The following EIF4G1 variants were observed in gnomAD, a reference collection of about 807,000 sequenced individuals.
EIF4G1 encodes EIF4-gamma.
Under a neutral mutation model 187.8 loss-of-function variants are expected in EIF4G1, and 4 were observed. The ratio of observed to expected loss-of-function variants is 0.02; its 90% CI spans 0.01 to 0.05. The LOEUF (loss-of-function observed/expected upper bound fraction) is 0.05, where lower values mean the gene tolerates loss of function less well. EIF4G1 is among the 10% of genes least tolerant of loss of function. The pLI is 1.00. For synonymous variants in EIF4G1, 844 were observed against 781.4 expected (o/e 1.08, Z -1.34); for missense variants, 1,647 against 2,081.1 (o/e 0.79, Z 4.06).
At chr3:184,332,300 T>G (rs1041876244) in intron 32 of EIF4G1, among the ~76,000 whole-genome samples, 1 of 152,188 alleles carries the variant, frequency 6.6e-6, no homozygotes, top group African/African-American at 2.4e-5. Flanking sequence ...AATTGCCTGT[T>G]TTGTGCCTAG....
At chr3:184,319,504 A>G (rs1462785709) in intron 6 of EIF4G1, 185 bp from the exon 7 acceptor site, 55 of 598,048 alleles carry the variant, frequency 9.2e-5, no homozygotes, top group South Asian at 9.1e-4. Flanking sequence ...TTGTAAACGC[A>G]GTTCAGACTG....
intron 6 of EIF4G1, among the ~76,000 whole-genome samples, chr3:184,318,980 A>G (rs985815774): frequency 1.3e-5 from 2 of 151,714 alleles, no homozygotes; most frequent in Non-Finnish European, 2.9e-5. Flanking sequence ...AGGCTGAGGC[A>G]GGAGGATCGC....
At chr3:184,331,837 C>T (rs1168501700) in intron 31 of EIF4G1, 28 bp downstream of exon 31, 1 of 1,614,082 alleles carries the variant, frequency 6.2e-7, no homozygotes, top group Admixed American at 1.7e-5. Flanking sequence ...GATGGAGGGG[C>T]AAGGGTGGGC....
In EIF4G1 at chr3:184,322,901, A is replaced by G; in HGVS notation, c.1876A>G (p.Ser626Gly). Residue 626 changes from serine to glycine, a missense_variant, in exon 13 of 33, where the codon AGT becomes GGT. Ser to Gly is a moderately conservative substitution (Grantham distance 56, BLOSUM62 0). Transcript: ENST00000346169. ...FLLGFQFIFA[S>G]MQKPEGLPHI... ...GCTTGGTTTTCAGTTCATCTTTGCC[A>G]GTATGCAGAAGCCAGAGGGATTGCC... is the stretch of plus-strand genomic sequence containing the variant. 1 of 1,614,184 alleles carries G rather than the reference A, an allele frequency of 6.2e-7. No individual in the cohort carries two copies. Among genetic ancestry groups the G allele is most frequent in the Non-Finnish European group, 8.5e-7 (1 of 1,180,034 alleles).
chr3:184,320,782 A>T, intron 8 of EIF4G1, 60 bp downstream of exon 8: 1 of 1,611,042 alleles, frequency 6.2e-7, no homozygotes, highest in Non-Finnish European at 8.5e-7. Flanking sequence ...CTGGACTCCC[A>T]AGTCCCTGGA....
chr3:184,330,696 C>G (rs1725887793), intron 28 of EIF4G1, among the ~76,000 whole-genome samples: 1 of 152,004 alleles, frequency 6.6e-6, no homozygotes, highest in African/African-American at 2.4e-5. Flanking sequence ...TTTTCCTACC[C>G]TAGTGTCATA....
At chr3:184,316,293 A>G in intron 4 of EIF4G1, 75 bp downstream of exon 4, 2 of 1,570,690 alleles carry the variant, frequency 1.3e-6, no homozygotes, top group Non-Finnish European at 8.7e-7. Flanking sequence ...TAGGTCTAGG[A>G]TGGAAACTGG....
chr3:184,323,780 G>T lies in EIF4G1; in HGVS notation c.2275G>T (p.Asp759Tyr). Reference sequence around the variant, plus strand: ...GAACTCTTGTCTCTTCTCCCTCCAGGACCTATTCCGCAGGGTGCGCTCCAT... The same window carrying T: ...GAACTCTTGTCTCTTCTCCCTCCAGTACCTATTCCGCAGGGTGCGCTCCAT... Reference protein sequence around the residue: ...EEDADGSKTQDLFRRVRSILN... With the variant: ...EEDADGSKTQYLFRRVRSILN... The change falls in exon 16 of 33, where the codon GAC becomes TAC. Residue 759 changes from aspartate to tyrosine, a missense_variant and splice_region_variant. Coordinates refer to ENST00000346169, the MANE Select transcript of EIF4G1 (RefSeq NM_198241.3). The surrounding 1 kb of genome is among the most constrained non-coding windows in gnomAD (Gnocchi z 6.9). 6.2e-7 allele frequency: 1 copy of T among 1,613,616 alleles called. No individual in the cohort carries two copies. Among genetic ancestry groups the T allele is most frequent in the South Asian group, 1.1e-5 (1 of 91,052 alleles).
At chr3:184,322,518 C>T in intron 11 of EIF4G1, 26 bp from the exon 12 acceptor site, 1 of 1,614,000 alleles carries the variant, frequency 6.2e-7, no homozygotes, top group East Asian at 2.2e-5. Context: ...ATTCTGCAAC[C>T]AAAACTGGAT....
chr3:184,320,736 T>C lies in EIF4G1; in HGVS notation c.630+14T>C, dbSNP rs1350376942. ...ACCCCTCCCCAGGTACTGTCTGCTT[T>C]TCGAGTGATACCCTGGCTGGGATGT... On this transcript the variant is annotated intron_variant, in intron 8 of 32. Transcript: ENST00000346169. 6.2e-7 allele frequency: 1 copy of C among 1,614,148 alleles called. No homozygotes were observed. Among genetic ancestry groups the C allele is most frequent in the Non-Finnish European group, 8.5e-7 (1 of 1,180,010 alleles).
In EIF4G1 at chr3:184,322,881, G is replaced by A. The variant is rs766729917; in HGVS notation, c.1856G>A (p.Gly619Asp). 6.2e-7 allele frequency: 1 copy of A among 1,614,130 alleles called. No homozygotes were observed. The highest frequency in any genetic ancestry group is 2.2e-5 in the East Asian group (1 of 44,882). Residue 619 changes from glycine (G) to aspartate (D), a missense_variant, in exon 13 of 33, where the codon GGT (glycine) becomes GAT (aspartate). By Grantham distance (94) the Gly-to-Asp change is moderately conservative (BLOSUM62 -1). Around this residue, in one of 11 missense-constraint regions of EIF4G1, gnomAD observed 140 missense variants for 222.2 expected, o/e 0.63. Transcript: ENST00000346169. ...CGTTACGACCGTGAGTTCCTGCTTGGTTTTCAGTTCATCTTTGCCAGTATG... is the reference window on the plus strand; with the variant it reads ...CGTTACGACCGTGAGTTCCTGCTTGATTTTCAGTTCATCTTTGCCAGTATG... ...KKRYDREFLL[G>D]FQFIFASMQK...
intron 1 of EIF4G1, 187 bp from the exon 2 acceptor site, chr3:184,315,302 G>A (rs759232141): frequency 1.9e-5 from 9 of 481,976 alleles, no homozygotes; most frequent in East Asian, 6.2e-5. Context: ...GGCGGCAGGC[G>A]TATCCTGTGT....
Position 184,321,774 on chromosome 3 carries a change from C to T in EIF4G1, c.1190C>T (p.Thr397Ile), listed in dbSNP as rs963754339. 6.2e-7 allele frequency: 1 copy of T among 1,609,638 alleles called. No individual in the cohort carries two copies. Among genetic ancestry groups the T allele is most frequent in the Middle Eastern group, 1.7e-4 (1 of 6,050 alleles). ...PSESPVPIAP[T>I]AQPEELLNGA... ...GAATCCCCTGTGCCCATTGCTCCAA[C>T]TGCCCAACCTGAGGAACTGCTCAAC... is the stretch of plus-strand genomic sequence containing the variant. The change falls in exon 10 of 33, where the codon ACT (threonine) becomes ATT (isoleucine). Residue 397 changes from threonine (T) to isoleucine (I), a missense_variant. This residue lies in a region of EIF4G1 where 522 missense variants were observed against 485.2 expected (regional missense o/e 1.08). Transcript: ENST00000346169.
chr3:184,321,807 C>G lies in EIF4G1; in HGVS notation c.1223C>G (p.Pro408Arg), dbSNP rs746958243. ...CCTGAGGAACTGCTCAACGGAGCCC[C>G]CTCGCCACCAGCTGTGGACTTAAGC... is the stretch of plus-strand genomic sequence containing the variant. ...AQPEELLNGA[P>R]SPPAVDLSPV... is the part of the protein sequence containing the mutation. Residue 408 changes from proline to arginine, a missense_variant, in exon 10 of 33, where the codon CCC becomes CGC. Physicochemically the swap from Pro to Arg is moderately radical, Grantham distance 103. This residue lies in a region of EIF4G1 where 522 missense variants were observed against 485.2 expected (regional missense o/e 1.08). Coordinates refer to ENST00000346169, the MANE Select transcript of EIF4G1 (RefSeq NM_198241.3). The G allele has an allele frequency of 2.0e-5, 32 of 1,613,850 alleles. No individual in the cohort carries two copies. In the East Asian group the frequency reaches 6.7e-4, roughly 34 times the overall value.
intron 4 of EIF4G1, chr3:184,316,710 C>T: frequency 1.3e-6 from 2 of 1,595,446 alleles, no homozygotes; most frequent in Non-Finnish European, 1.7e-6. Context: ...CATGTGCTCT[C>T]AGGGAGGATT....
In EIF4G1 at chr3:184,334,722, T is replaced by G. The variant is rs1726822730; in HGVS notation, c.4619-5T>G. ...ACCTCTAACTGCTGTCCCGCCTGCT[T>G]GCAGACCTGCTGCGGATGTTCTTTG... On this transcript the variant is annotated splice_region_variant and splice_polypyrimidine_tract_variant and intron_variant, in intron 32 of 32. Transcript: ENST00000346169. This position sits in a 1 kb window ranked among gnomAD's most constrained non-coding sequence, Gnocchi z 5.8. 2 of 1,614,048 alleles carry G rather than the reference T, an allele frequency of 1.2e-6. No homozygotes were observed. Among genetic ancestry groups the G allele is most frequent in the Non-Finnish European group, 1.7e-6 (2 of 1,180,018 alleles).
Position 184,331,956 on chromosome 3 carries a change from C to G in EIF4G1, c.4488C>G (p.Pro1496=), listed in dbSNP as rs765638251. ...CCTGTCTTCTTGTAGTTGAGACTCC[C>G]CTCCGAGTGGACGTTGCAGTGCTGA... The part of the protein sequence containing the change: ...VCYSAIIFET[P]LRVDVAVLKA... Residue 1496 remains proline, a synonymous_variant, in exon 32 of 33, where the codon CCC becomes CCG. Transcript: ENST00000346169. 1 of 1,614,186 alleles carries G rather than the reference C, an allele frequency of 6.2e-7. No homozygotes were observed. Among genetic ancestry groups the G allele is most frequent in the East Asian group, 2.2e-5 (1 of 44,874 alleles).
At position 184,325,664 on chromosome 3, in the gene EIF4G1, A is replaced by C. The variant is rs1255812313; in HGVS notation, c.3121+25A>C. The C allele has an allele frequency of 6.2e-7, 1 of 1,614,148 alleles. No homozygotes were observed. The highest frequency in any genetic ancestry group is 2.2e-5 in the East Asian group (1 of 44,878). ...AGTGAGTTCCAAGCTGGGATTGAGA[A>C]GGGAGCAGTGAAGGGACCGGGAGGT... On this transcript the variant is annotated intron_variant, in intron 20 of 32. Coordinates refer to ENST00000346169, the MANE Select transcript of EIF4G1 (RefSeq NM_198241.3). The surrounding 1 kb of genome is among the most constrained non-coding windows in gnomAD (Gnocchi z 5.2).
At chr3:184,320,155 A>G in intron 7 of EIF4G1, 1 of 661,918 alleles carries the variant, frequency 1.5e-6, no homozygotes, top group Non-Finnish European at 2.1e-6. Context: ...GGAAGCTCTC[A>G]AGGCCTCCGC....
Sources: gnomAD v4.1 joint callset for allele counts (sites outside exome capture counted in the v4.1 genomes callset) on GRCh38, gnomAD v4.1.1 for gene constraint, gnomAD v4.1.1 regional missense constraint, Gnocchi (gnomAD v3.1) non-coding constraint, MANE v1.5 for transcripts, NCBI Gene and HGNC (gene_info 2026-07-23, HGNC 2026-07-21) for gene names.